The following KCTD8 variants were observed in gnomAD, a reference collection of about 807,000 sequenced individuals.
KCTD8 encodes BTB/POZ domain-containing protein KCTD8.
In KCTD8, 27 loss-of-function variants were observed where a neutral mutation model predicts 31.5. The observed-to-expected ratio is 0.86, with a 90% CI of 0.63 to 1.18. KCTD8 has a LOEUF of 1.18. KCTD8 is among the 50% of genes most tolerant of loss of function. The probability of loss-of-function intolerance (pLI) is 0.00; values close to 1 mark genes in which losing one functional copy is unlikely to be tolerated. For missense variants in KCTD8, 658 were observed against 647.7 expected, an observed-to-expected ratio of 1.02 and a Z score of -0.17; for synonymous variants, 290 against 280.0, an observed-to-expected ratio of 1.04 and a Z score of -0.36.
intron 1 of KCTD8, among the ~76,000 whole-genome samples, chr4:44,329,162 C>CTTT (rs530685832): frequency 7.0e-6 from 1 of 143,008 alleles, no homozygotes; most frequent in Non-Finnish European, 1.5e-5. Context: ...AAATCCTCCA[C>CTTT]TTTTTTTTTT....
chr4:44,283,826 A>G lies in KCTD8; in HGVS notation c.962-108576T>C, dbSNP rs190791242. 2.6e-5 allele frequency among the ~76,000 whole-genome samples: 4 copies of G among 152,314 alleles called. No homozygotes were observed. In the East Asian group the frequency reaches 5.8e-4, roughly 22 times the overall value. On this transcript the variant is annotated intron_variant, in intron 1 of 1. Coordinates refer to ENST00000360029, the MANE Select transcript of KCTD8 (RefSeq NM_198353.3). ...GCAAAAATCACAAGCATTCCTGTAC[A>G]TCAATAACAGACAAACAGAGAGCCA...
chr4:44,268,385 G>T (rs997046364), intron 1 of KCTD8, among the ~76,000 whole-genome samples: 6 of 152,074 alleles, frequency 3.9e-5, no homozygotes, highest in Non-Finnish European at 5.9e-5. Context: ...GTATTGATGG[G>T]ATGTATCTCA....
At chr4:44,411,431 A>G (rs1322032918) in intron 1 of KCTD8, among the ~76,000 whole-genome samples, 1 of 151,472 alleles carries the variant, frequency 6.6e-6, no homozygotes, top group African/African-American at 2.4e-5. Flanking sequence ...GATGTAAAAG[A>G]GTTATATTCA....
intron 1 of KCTD8, among the ~76,000 whole-genome samples, chr4:44,278,152 C>T (rs1268832107): frequency 6.6e-6 from 1 of 151,902 alleles, no homozygotes. Flanking sequence ...GAGTCTTTTA[C>T]ACAGACATAT....
At chr4:44,356,698 C>T (rs1719352350) in intron 1 of KCTD8, among the ~76,000 whole-genome samples, 1 of 152,142 alleles carries the variant, frequency 6.6e-6, no homozygotes, top group South Asian at 2.1e-4. Context: ...TCTCGAACTC[C>T]TGACCTGAGG....
chr4:44,234,928 C>T (rs1364887739), intron 1 of KCTD8, among the ~76,000 whole-genome samples: 1 of 152,074 alleles, frequency 6.6e-6, no homozygotes, highest in Non-Finnish European at 1.5e-5. Context: ...CCTTTAATGA[C>T]AGGAGTGGCA....
chr4:44,331,926 C>T (rs1472803435), intron 1 of KCTD8, among the ~76,000 whole-genome samples: 1 of 151,228 alleles, frequency 6.6e-6, no homozygotes, highest in Non-Finnish European at 1.5e-5. Flanking sequence ...CAATAATCCA[C>T]GTAAATAACT....
chr4:44,263,510 T>C (rs1179765812), intron 1 of KCTD8, among the ~76,000 whole-genome samples: 1 of 152,108 alleles, frequency 6.6e-6, no homozygotes, highest in Non-Finnish European at 1.5e-5. Context: ...TGTCTACAGA[T>C]GGATTATTAT....
chr4:44,302,953 C>A (rs1717674144), intron 1 of KCTD8, among the ~76,000 whole-genome samples: 1 of 152,076 alleles, frequency 6.6e-6, no homozygotes, highest in Admixed American at 6.5e-5. Flanking sequence ...TGTCAAAGGC[C>A]TTTTCTGCAT....
At chr4:44,295,096 C>G (rs557549556) in intron 1 of KCTD8, among the ~76,000 whole-genome samples, 1 of 152,126 alleles carries the variant, frequency 6.6e-6, no homozygotes, top group East Asian at 1.9e-4. Flanking sequence ...AGTTTGAGAT[C>G]AGGCTGGGTA....
At chr4:44,302,133 G>C (rs1262658498) in intron 1 of KCTD8, among the ~76,000 whole-genome samples, 1 of 152,136 alleles carries the variant, frequency 6.6e-6, no homozygotes, top group Non-Finnish European at 1.5e-5. Flanking sequence ...TTGTAGTATA[G>C]TTTGAAGTCA....
rs566262825 is a variant in KCTD8, at chr4:44,211,730, T to C, written c.962-36480A>G. Among the ~76,000 whole-genome samples the C allele has an allele frequency of 3.9e-5, 6 of 152,238 alleles. No individual in the cohort carries two copies. In the East Asian group the frequency reaches 9.6e-4, roughly 24 times the overall value. On this transcript the variant is annotated intron_variant, in intron 1 of 1. Transcript: ENST00000360029. Reference sequence around the variant, plus strand: ...TAAGATAAAGCCATTTTTTTTTAGATTGTCTTTGTTAATTAATTTTTTGTC... The same window carrying C: ...TAAGATAAAGCCATTTTTTTTTAGACTGTCTTTGTTAATTAATTTTTTGTC...
chr4:44,333,135 G>A (rs1718633744), intron 1 of KCTD8, among the ~76,000 whole-genome samples: 1 of 152,008 alleles, frequency 6.6e-6, no homozygotes, highest in Non-Finnish European at 1.5e-5. Flanking sequence ...TAATCATAGG[G>A]AGACAGTGCA....
In KCTD8 at chr4:44,288,666, C is replaced by A. The variant is rs182261732; in HGVS notation, c.962-113416G>T. Among the ~76,000 whole-genome samples, 411 of 152,152 alleles carry A rather than the reference C, an allele frequency of 2.7e-3. 1 individual carries two copies. Among genetic ancestry groups the A allele is most frequent in the Middle Eastern group, 0.01 (3 of 292 alleles). ...CATGAAGAAACACTCATTTCAAGGT[C>A]AACTATGCCTTCAATTTTACATCTG... is the stretch of plus-strand genomic sequence containing the variant. On this transcript the variant is annotated intron_variant, in intron 1 of 1. Coordinates refer to ENST00000360029, the MANE Select transcript of KCTD8 (RefSeq NM_198353.3).
At chr4:44,416,955 T>C (rs537792602) in intron 1 of KCTD8, among the ~76,000 whole-genome samples, 3 of 152,360 alleles carry the variant, frequency 2.0e-5, no homozygotes, top group South Asian at 4.1e-4. Flanking sequence ...GCTTGCTATA[T>C]GTCAGGCACT....
At chr4:44,404,599 T>C (rs543156071) in intron 1 of KCTD8, among the ~76,000 whole-genome samples, 1 of 152,310 alleles carries the variant, frequency 6.6e-6, no homozygotes, top group Non-Finnish European at 1.5e-5. Flanking sequence ...AAGTTTTGCC[T>C]CAGGGCTAGA....
Position 44,340,238 on chromosome 4 carries a change from T to C in KCTD8, c.961+107325A>G, listed in dbSNP as rs11730475. ...TAAAAACATATATCCATACAAAGAA[T>C]TGAAAGAATTGTACAAGAATATATT... On this transcript the variant is annotated intron_variant, in intron 1 of 1. Transcript: ENST00000360029. Among the ~76,000 whole-genome samples, 1,442 of 152,016 alleles carry C rather than the reference T, an allele frequency of 9.5e-3. 13 individuals carry two copies. Among genetic ancestry groups the C allele is most frequent in the Middle Eastern group, 0.045 (13 of 292 alleles).
chr4:44,209,791 A>C (rs1487515696), intron 1 of KCTD8, among the ~76,000 whole-genome samples: 1 of 152,188 alleles, frequency 6.6e-6, no homozygotes, highest in Non-Finnish European at 1.5e-5. Context: ...AAGTGAGAAA[A>C]ATACAATAAA....
intron 1 of KCTD8, among the ~76,000 whole-genome samples, chr4:44,309,192 T>C (rs1013656822): frequency 2.6e-5 from 4 of 151,964 alleles, no homozygotes; most frequent in Admixed American, 6.6e-5. Context: ...TACACCACTA[T>C]GTCTGGCTAA....
Sources: allele counts gnomAD v4.1 joint callset (sites outside exome capture counted in the v4.1 genomes callset), GRCh38; gene constraint gnomAD v4.1.1; transcripts MANE v1.5; gene names NCBI Gene and HGNC (gene_info 2026-07-23, HGNC 2026-07-21).